GSDMC: variants seen among roughly 807,000 people sequenced by gnomAD.
GSDMC encodes gasdermin-C.
In GSDMC, 59 loss-of-function variants were observed where a neutral mutation model predicts 58.0. That is an observed-to-expected ratio of 1.02 (90% CI 0.82 to 1.26). The LOEUF (loss-of-function observed/expected upper bound fraction) is 1.26. Among genes scored for constraint, GSDMC ranks in the 50% most tolerant of loss-of-function variants. The pLI is 0.00. For missense variants in GSDMC, 659 were observed against 598.5 expected, an observed-to-expected ratio of 1.10 and a Z score of -1.06; for synonymous variants, 241 against 220.2, an observed-to-expected ratio of 1.09 and a Z score of -0.83.
chr8:129,747,857 G>T (rs1212212942), downstream of GSDMC, among the ~76,000 whole-genome samples: 1 of 152,100 alleles, frequency 6.6e-6, no homozygotes, highest in African/African-American at 2.4e-5. Context: ...AGGCGAGGTG[G>T]CATTAGCAAA....
rs114211637 is a variant in GSDMC, at chr8:129,765,753, G to A, written c.445C>T (p.Arg149Trp). The A allele has an allele frequency of 2.3e-4, 366 of 1,613,744 alleles. 1 individual carries two copies. The African/African-American group carries it at 2.5e-3, about 11-fold the overall frequency. ...ACGTACAGGTTGTCCCCTCTCCTCC[G>A]GCACTCCTTCAGAAATGATGGCTCT... ...DPEPSFLKEC[R>W]RRGDNLYVVT... The change falls in exon 4 of 14, where the codon CGG becomes TGG. Residue 149 changes from arginine to tryptophan, a missense_variant. Physicochemically the swap from Arg to Trp is moderately radical, Grantham distance 101 (BLOSUM62 -3). Coordinates refer to ENST00000276708, the MANE Select transcript of GSDMC (RefSeq NM_031415.3).
the GSDMC span, among the ~76,000 whole-genome samples, chr8:129,721,066 A>C: frequency 2.0e-5 from 3 of 152,212 alleles, no homozygotes; most frequent in Non-Finnish European, 4.4e-5. Flanking sequence ...GCACTGGGAC[A>C]AGAAACCATT....
At chr8:129,714,991 G>A in the GSDMC span, among the ~76,000 whole-genome samples, 1 of 152,136 alleles carries the variant, frequency 6.6e-6, no homozygotes, top group Non-Finnish European at 1.5e-5. Flanking sequence ...AATACCAAGG[G>A]TAAGGTTAAA....
At chr8:129,742,609 T>G in the GSDMC span, among the ~76,000 whole-genome samples, 2 of 152,088 alleles carry the variant, frequency 1.3e-5, no homozygotes, top group African/African-American at 4.8e-5. Context: ...CCTTCATCCA[T>G]TCAACTCGAG....
intron 3 of GSDMC, among the ~76,000 whole-genome samples, chr8:129,768,369 A>G (rs1412895955): frequency 1.3e-5 from 2 of 152,240 alleles, no homozygotes; most frequent in African/African-American, 4.8e-5. Context: ...GAAACTAATA[A>G]AGCTCCAATG....
intron 1 of GSDMC, among the ~76,000 whole-genome samples, chr8:129,780,199 T>C (rs749511841): frequency 6.6e-6 from 1 of 152,066 alleles, no homozygotes; most frequent in African/African-American, 2.4e-5. Flanking sequence ...AAAGAGAAGA[T>C]TGAGAAACAG....
At chr8:129,776,394 G>T in intron 2 of GSDMC, 109 bp from the exon 3 acceptor site, 1 of 739,914 alleles carries the variant, frequency 1.4e-6, no homozygotes, top group Non-Finnish European at 2.1e-6. Context: ...GACCTATTTT[G>T]CCCCAATCCT....
At chr8:129,784,893 T>C (rs913017368) in intron 1 of GSDMC, among the ~76,000 whole-genome samples, 3 of 152,144 alleles carry the variant, frequency 2.0e-5, no homozygotes, top group African/African-American at 4.8e-5. Context: ...TACATATACA[T>C]AACAGAGTAC....
chr8:129,742,367 A>C, the GSDMC span, among the ~76,000 whole-genome samples: 2 of 152,178 alleles, frequency 1.3e-5, no homozygotes, highest in East Asian at 1.9e-4. Context: ...AAAATATCAC[A>C]TTTTGCCCCA....
At chr8:129,736,391 T>TA in the GSDMC span, among the ~76,000 whole-genome samples, 1 of 152,146 alleles carries the variant, frequency 6.6e-6, no homozygotes, top group Non-Finnish European at 1.5e-5. Flanking sequence ...AAATCCTCAA[T>TA]AAAATACTGG....
At chr8:129,765,478 A>T (rs543841476) in intron 4 of GSDMC, 150 bp downstream of exon 4, 1 of 680,784 alleles carries the variant, frequency 1.5e-6, no homozygotes, top group South Asian at 1.7e-5. Context: ...AGAAGTCAGG[A>T]TACATCAACA....
intron 4 of GSDMC, among the ~76,000 whole-genome samples, chr8:129,763,505 A>T (rs2033747585): frequency 3.9e-5 from 6 of 152,096 alleles, no homozygotes; most frequent in Admixed American, 3.9e-4. Flanking sequence ...TCCACATTGC[A>T]TTATGTCTTT....
At chr8:129,729,167 A>G in the GSDMC span, 2 of 669,050 alleles carry the variant, frequency 3.0e-6, no homozygotes, top group Non-Finnish European at 5.7e-6. Context: ...TACTTCAGAG[A>G]TATTTGATAT....
At chr8:129,718,196 C>T in the GSDMC span, among the ~76,000 whole-genome samples, 2 of 152,110 alleles carry the variant, frequency 1.3e-5, no homozygotes, top group South Asian at 4.1e-4. Flanking sequence ...AACTAAAGAG[C>T]TTTTGCACAG....
the GSDMC span, among the ~76,000 whole-genome samples, chr8:129,720,231 T>C: frequency 2.6e-5 from 4 of 152,156 alleles, no homozygotes; most frequent in African/African-American, 9.7e-5. Flanking sequence ...AGTGTTTTGG[T>C]GAGAAGAAAT....
intron 6 of GSDMC, among the ~76,000 whole-genome samples, chr8:129,759,604 A>G (rs541439651): frequency 5.3e-5 from 8 of 152,338 alleles, no homozygotes; most frequent in African/African-American, 1.7e-4. Context: ...AAACAGACAT[A>G]TGAAAATGTG....
intron 4 of GSDMC, among the ~76,000 whole-genome samples, chr8:129,764,393 G>A (rs1282698269): frequency 1.3e-5 from 2 of 152,152 alleles, no homozygotes; most frequent in Non-Finnish European, 2.9e-5. Context: ...CGCCTAGGCT[G>A]TGTGTTGTAG....
intron 1 of GSDMC, 90 bp downstream of exon 1, chr8:129,785,921 T>C (rs771250460): frequency 9.2e-5 from 14 of 152,218 alleles, no homozygotes; most frequent in Non-Finnish European, 1.6e-4. Flanking sequence ...AAAAAACTCT[T>C]CGACTCATTT....
the GSDMC span, among the ~76,000 whole-genome samples, chr8:129,742,110 A>T: frequency 2.0e-5 from 3 of 152,120 alleles, no homozygotes; most frequent in South Asian, 6.2e-4. Context: ...AATAGAGAGT[A>T]GGACGGAGGT....
Sources: allele counts gnomAD v4.1 joint callset (sites outside exome capture counted in the v4.1 genomes callset), GRCh38; gene constraint gnomAD v4.1.1; transcripts MANE v1.5; gene names NCBI Gene and HGNC (gene_info 2026-07-23, HGNC 2026-07-21).